NUDCD1: variants seen among roughly 807,000 people sequenced by gnomAD.
The protein encoded by NUDCD1 is NudC domain containing 1.
NUDCD1 carries 60 observed loss-of-function variants against 67.8 expected under a neutral mutation model. The observed-to-expected ratio is 0.88, with a 90% CI of 0.72 to 1.10. The LOEUF (loss-of-function observed/expected upper bound fraction) is 1.10. NUDCD1 is among the 50% of genes least tolerant of loss of function. NUDCD1 has a pLI of 0.00. For synonymous variants in NUDCD1, 244 were observed against 230.8 expected, an observed-to-expected ratio of 1.06 and a Z score of -0.52; for missense variants, 643 against 695.0, an observed-to-expected ratio of 0.93 and a Z score of 0.84.
At chr8:109,243,351 G>A in intron 9 of NUDCD1, 50 bp from the exon 10 acceptor site, 1 of 1,392,708 alleles carries the variant, frequency 7.2e-7, no homozygotes, top group Non-Finnish European at 9.7e-7. Flanking sequence ...TTAAACAGAA[G>A]GGGAAAAATG....
In NUDCD1 at chr8:109,243,195, C is replaced by G. The variant is rs1408410019; in HGVS notation, c.1566G>C (p.Gln522His). The change falls in exon 10 of 10, where the codon CAG becomes CAC. Residue 522 changes from glutamine to histidine, a missense_variant. Transcript: ENST00000239690. ...AAAGTACAGTGGACATGGGAGCAGG[C>G]TGACGATAGATGAATACTCGACGAA... is the stretch of plus-strand genomic sequence containing the variant. ...ECLRRVFIYRQPAPMSTVLYN... is the reference protein window; with the variant it reads ...ECLRRVFIYRHPAPMSTVLYN... The G allele has an allele frequency of 1.2e-6, 2 of 1,613,662 alleles. No homozygotes were observed. Among genetic ancestry groups the G allele is most frequent in the Non-Finnish European group, 1.7e-6 (2 of 1,179,800 alleles).
At chr8:109,281,569 A>AT (rs1210565543) in intron 5 of NUDCD1, among the ~76,000 whole-genome samples, 1 of 152,194 alleles carries the variant, frequency 6.6e-6, no homozygotes, top group Non-Finnish European at 1.5e-5. Context: ...CTAGCAAAGC[A>AT]GTTACATAAT....
At chr8:109,286,826 G>C (rs1814584498) in intron 5 of NUDCD1, among the ~76,000 whole-genome samples, 1 of 151,586 alleles carries the variant, frequency 6.6e-6, no homozygotes, top group Admixed American at 6.6e-5. Context: ...GAAACTATGA[G>C]TAAACAAACT....
Position 109,275,351 on chromosome 8 carries a change from C to A in NUDCD1, c.1173+1G>T, listed in dbSNP as rs755337351. 23 of 1,612,034 alleles carry A rather than the reference C, an allele frequency of 1.4e-5. No individual in the cohort carries two copies. Among genetic ancestry groups the A allele is most frequent in the Non-Finnish European group, 1.9e-5 (22 of 1,179,094 alleles). ...GTCACACTACTATTCCAACTACTTA[C>A]CAGTTCTTCAGAGGTCAAATGCATC... On this transcript the variant is annotated splice_donor_variant, in intron 7 of 9. Transcript: ENST00000239690. LOFTEE classifies it high-confidence loss of function.
intron 8 of NUDCD1, among the ~76,000 whole-genome samples, chr8:109,253,328 T>A (rs1487684435): frequency 1.3e-5 from 2 of 152,158 alleles, no homozygotes; most frequent in East Asian, 3.9e-4. Context: ...TAAGTAGAAG[T>A]ATGCTCAGCA....
intron 6 of NUDCD1, among the ~76,000 whole-genome samples, chr8:109,280,215 T>C (rs1814400661): frequency 6.6e-6 from 1 of 152,218 alleles, no homozygotes; most frequent in Non-Finnish European, 1.5e-5. Context: ...AAAGAGAATT[T>C]AATAATTTTT....
At chr8:109,308,831 G>A (rs560296126) in intron 2 of NUDCD1, among the ~76,000 whole-genome samples, 2 of 151,874 alleles carry the variant, frequency 1.3e-5, no homozygotes, top group Admixed American at 6.5e-5. Flanking sequence ...AATTAGCCAG[G>A]CATGGTGGCA....
rs1232139765 is a variant in NUDCD1 at position 109,241,350 on chromosome 8, G to A, written c.*1659C>T. 9 of 152,072 alleles carry A rather than the reference G, an allele frequency of 5.9e-5. No individual in the cohort carries two copies. The highest frequency in any genetic ancestry group is 7.2e-5 in the African/African-American group (3 of 41,422). 9.4% of individuals were successfully genotyped at this position (152,072 alleles called of 1,614,324 possible). A position where few individuals can be genotyped will look rare whatever the true frequency, so the allele number is the denominator to read the frequency against. On this transcript the variant is annotated 3_prime_UTR_variant, in exon 10 of 10. Transcript: ENST00000239690. Reference sequence around the variant, plus strand: ...TCCCTAAGAGGATATTATCTTTGGGGAAAATTTTAGAGAAAATTTAGATCT... The same window carrying A: ...TCCCTAAGAGGATATTATCTTTGGGAAAAATTTTAGAGAAAATTTAGATCT...
At chr8:109,330,290 C>T (rs921311246) in intron 1 of NUDCD1, among the ~76,000 whole-genome samples, 1 of 152,114 alleles carries the variant, frequency 6.6e-6, no homozygotes, top group African/African-American at 2.4e-5. Flanking sequence ...TTATTTAAGA[C>T]AAGAGAATAA....
chr8:109,272,029 T>G (rs529746921), intron 7 of NUDCD1, among the ~76,000 whole-genome samples: 2 of 151,708 alleles, frequency 1.3e-5, no homozygotes, highest in Non-Finnish European at 2.9e-5. Flanking sequence ...AAATCTACAC[T>G]AGAAAAAATG....
chr8:109,253,998 T>C (rs1157376109), intron 8 of NUDCD1, among the ~76,000 whole-genome samples: 2 of 152,152 alleles, frequency 1.3e-5, no homozygotes, highest in African/African-American at 4.8e-5. Context: ...CAAGAACAGG[T>C]GCCACAAAAC....
chr8:109,267,321 G>T (rs1814026507), intron 8 of NUDCD1, among the ~76,000 whole-genome samples: 1 of 151,978 alleles, frequency 6.6e-6, no homozygotes, highest in Non-Finnish European at 1.5e-5. Context: ...GTTTTTATTT[G>T]TGTGTCCATA....
intron 1 of NUDCD1, among the ~76,000 whole-genome samples, chr8:109,325,853 A>G (rs909649572): frequency 2.0e-5 from 3 of 152,270 alleles, no homozygotes; most frequent in African/African-American, 4.8e-5. Flanking sequence ...AAAGCAGGGT[A>G]AATCCAGGAA....
At chr8:109,297,780 A>T (rs539975737) in intron 2 of NUDCD1, among the ~76,000 whole-genome samples, 18 of 152,346 alleles carry the variant, frequency 1.2e-4, no homozygotes, top group African/African-American at 4.1e-4. Context: ...ATGTTTTACA[A>T]GAGAATATAT....
intron 2 of NUDCD1, among the ~76,000 whole-genome samples, chr8:109,304,796 A>G (rs999528694): frequency 2.0e-5 from 3 of 152,186 alleles, no homozygotes; most frequent in Admixed American, 1.3e-4. Context: ...TAATGTAGCT[A>G]AAGAAGCAGC....
chr8:109,295,409 C>T (rs1411833746), intron 3 of NUDCD1, among the ~76,000 whole-genome samples: 1 of 152,166 alleles, frequency 6.6e-6, no homozygotes, highest in Non-Finnish European at 1.5e-5. Flanking sequence ...GAAATTGCCA[C>T]AGTATCCAAT....
chr8:109,256,266 G>A (rs934847703), intron 8 of NUDCD1, among the ~76,000 whole-genome samples: 3 of 152,148 alleles, frequency 2.0e-5, no homozygotes, highest in Non-Finnish European at 4.4e-5. Context: ...AGATAATCAG[G>A]ACTGGATGGC....
chr8:109,333,127 CTTATT>C (rs1815850789), intron 1 of NUDCD1, among the ~76,000 whole-genome samples: 1 of 152,164 alleles, frequency 6.6e-6, no homozygotes, highest in Non-Finnish European at 1.5e-5. Flanking sequence ...TTAGCATAAA[CTTATT>C]TTATACTTTA....
intron 2 of NUDCD1, among the ~76,000 whole-genome samples, chr8:109,321,270 T>C (rs190104021): frequency 9.9e-4 from 150 of 152,276 alleles, no homozygotes; most frequent in African/African-American, 3.4e-3. Flanking sequence ...TTGTGGAGTT[T>C]CCAGCATATG....
Sources: allele counts gnomAD v4.1 joint callset (sites outside exome capture counted in the v4.1 genomes callset), GRCh38; gene constraint gnomAD v4.1.1; transcripts MANE v1.5; gene names NCBI Gene and HGNC (gene_info 2026-07-23, HGNC 2026-07-21).